The following PDZD2 variants were observed in gnomAD, a reference collection of about 807,000 sequenced individuals.
The protein encoded by PDZD2 is PDZ domain-containing protein 2.
A neutral mutation model predicts 220.7 loss-of-function variants in PDZD2; 90 were observed. The observed-to-expected ratio is 0.41, with a 90% CI of 0.34 to 0.49. The LOEUF is 0.49. Among genes scored for constraint, PDZD2 ranks in the 20% least tolerant of loss-of-function variants. The pLI is 0.28. For synonymous variants in PDZD2, 1,375 were observed against 1,450.5 expected, an observed-to-expected ratio of 0.95 and a Z score of 1.18; for missense variants, 3,174 against 3,608.5, an observed-to-expected ratio of 0.88 and a Z score of 3.08.
intron 2 of PDZD2, among the ~76,000 whole-genome samples, chr5:31,872,470 A>T (rs1459804984): frequency 6.6e-6 from 1 of 152,178 alleles, no homozygotes; most frequent in Non-Finnish European, 1.5e-5. Flanking sequence ...CACACATCCA[A>T]CAAGAGGCCA....
intron 1 of PDZD2, among the ~76,000 whole-genome samples, chr5:31,710,608 A>G (rs1748044849): frequency 6.6e-6 from 1 of 152,082 alleles, no homozygotes; most frequent in African/African-American, 2.4e-5. Context: ...ACCTCAGGTT[A>G]GGAGTTTGAG....
chr5:32,088,546 A>G lies in PDZD2; in HGVS notation c.5098A>G (p.Thr1700Ala), dbSNP rs752926072. Residue 1700 changes from threonine (T) to alanine (A), a missense_variant, in exon 20 of 25, where the codon ACC (threonine) becomes GCC (alanine). Physicochemically the swap from Thr to Ala is moderately conservative, Grantham distance 58. Around this residue, in one of 4 missense-constraint regions of PDZD2, gnomAD observed 1,861 missense variants for 2,001.0 expected, o/e 0.93. Coordinates refer to ENST00000438447, the MANE Select transcript of PDZD2 (RefSeq NM_178140.4). The surrounding 1 kb of genome is among the most constrained non-coding windows in gnomAD (Gnocchi z 4.6). ...PSCAEETTEVTSASSAMENSP... is the reference protein window; with the variant it reads ...PSCAEETTEVASASSAMENSP... ...GTGTGCAGAAGAAACCACAGAAGTC[A>G]CCAGCGCTAGCTCAGCCATGGAAAA... 2 of 1,614,112 alleles carry G rather than the reference A, an allele frequency of 1.2e-6. No individual in the cohort carries two copies. The highest frequency in any genetic ancestry group is 1.7e-6 in the Non-Finnish European group (2 of 1,179,956).
At position 31,864,927 on chromosome 5, in the gene PDZD2, C is replaced by G. The variant is rs573495849; in HGVS notation, c.476+65203C>G. Among the ~76,000 whole-genome samples, 3 of 132,348 alleles carry G rather than the reference C, an allele frequency of 2.3e-5. No individual in the cohort carries two copies. In the South Asian group the frequency reaches 7.6e-4, roughly 33 times the overall value. 86.8% of individuals were successfully genotyped at this position (132,348 alleles called of 152,430 possible). ...GCAGTGGCGTAATCTCGGCTCACTT[C>G]AAGCTCCGCCTCCTGGGTTCATGCT... is the stretch of plus-strand genomic sequence containing the variant. On this transcript the variant is annotated intron_variant, in intron 2 of 24. Transcript: ENST00000438447.
At chr5:31,897,177 T>C (rs1741646449) in intron 2 of PDZD2, among the ~76,000 whole-genome samples, 1 of 152,076 alleles carries the variant, frequency 6.6e-6, no homozygotes, top group Non-Finnish European at 1.5e-5. Context: ...TATTTAAAAA[T>C]ACTTTTTGAA....
At chr5:32,012,072 G>C (rs893978933) in intron 6 of PDZD2, among the ~76,000 whole-genome samples, 2 of 152,166 alleles carry the variant, frequency 1.3e-5, no homozygotes, top group Admixed American at 6.5e-5. Context: ...CACAGCTCCA[G>C]CATTCTGACC....
Position 31,675,925 on chromosome 5 carries a change from C to T in PDZD2, c.-361+36488C>T, listed in dbSNP as rs551473470. Reference sequence around the variant, plus strand: ...CCATGTGGCCCCGGCTAGCCTCAAACTCCTGGGCTCAAGCAATCTGCCCTC... The same window carrying T: ...CCATGTGGCCCCGGCTAGCCTCAAATTCCTGGGCTCAAGCAATCTGCCCTC... On this transcript the variant is annotated intron_variant, in intron 1 of 24. Coordinates refer to ENST00000438447, the MANE Select transcript of PDZD2 (RefSeq NM_178140.4). 3.3e-5 allele frequency among the ~76,000 whole-genome samples: 5 copies of T among 152,290 alleles called. No homozygotes were observed. The East Asian group carries it at 9.7e-4, about 29-fold the overall frequency.
intron 7 of PDZD2, among the ~76,000 whole-genome samples, chr5:32,042,691 G>T (rs1351540305): frequency 6.6e-6 from 1 of 152,234 alleles, no homozygotes; most frequent in African/African-American, 2.4e-5. Flanking sequence ...GGACCGAAAG[G>T]AGTGGTGATG....
At chr5:32,054,605 A>T (rs1738923853) in intron 10 of PDZD2, among the ~76,000 whole-genome samples, 1 of 152,106 alleles carries the variant, frequency 6.6e-6, no homozygotes, top group Non-Finnish European at 1.5e-5. Context: ...GATTACAGGC[A>T]TGAGCCACTG....
chr5:31,688,291 T>C (rs1746956475), intron 1 of PDZD2, among the ~76,000 whole-genome samples: 1 of 152,066 alleles, frequency 6.6e-6, no homozygotes, highest in Non-Finnish European at 1.5e-5. Context: ...GAGTTGCAGA[T>C]AGAAACTGTG....
intron 3 of PDZD2, among the ~76,000 whole-genome samples, chr5:31,989,989 C>T (rs1032540896): frequency 2.0e-5 from 3 of 152,214 alleles, no homozygotes; most frequent in African/African-American, 7.2e-5. Flanking sequence ...CTTCTGTTTT[C>T]TCACCTATAA....
intron 19 of PDZD2, among the ~76,000 whole-genome samples, chr5:32,081,320 C>A (rs1741933171): frequency 6.6e-6 from 1 of 152,182 alleles, no homozygotes; most frequent in Non-Finnish European, 1.5e-5. Context: ...GTGTCCCTTA[C>A]ACCCACTGAG....
intron 1 of PDZD2, among the ~76,000 whole-genome samples, chr5:31,771,233 T>A (rs1314521672): frequency 1.3e-5 from 2 of 152,210 alleles, no homozygotes; most frequent in African/African-American, 4.8e-5. Flanking sequence ...ATTTTAATAT[T>A]CATGTAACTA....
rs556276502 is a variant in PDZD2, at chr5:32,014,706, C to CTTTTTTTTTTTTTTTTT, written c.1407+4236_1407+4252dup. Among the ~76,000 whole-genome samples, 239 of 95,422 alleles carry CTTTTTTTTTTTTTTTTT rather than the reference C, an allele frequency of 2.5e-3. 53 individuals are homozygous for CTTTTTTTTTTTTTTTTT. The highest frequency in any genetic ancestry group is 0.01 in the African/African-American group (231 of 22,898). The allele number at this position is 95,422 out of a possible 152,430, so 62.6% of individuals were successfully genotyped here. A position where few individuals can be genotyped will look rare whatever the true frequency, so the allele number is the denominator to read the frequency against. ...ATTTTCTGCTCTGCAATGACAATTT[C>CTTTTTTTTTTTTTTTTT]TTTTTTTTTTTTTTTTTTTTTTTTT... On this transcript the variant is annotated intron_variant, in intron 6 of 24. Transcript: ENST00000438447.
rs147999865 is a variant in PDZD2 at position 32,053,831 on chromosome 5, C to T, written c.1848C>T (p.Val616=). The change falls in exon 10 of 25, where the codon GTC becomes GTT. Residue 616 remains valine (V), a synonymous_variant. Transcript: ENST00000438447. ...DCIRGQMGIF[V]KTIFPNGSAA... ...TTCGTGGACAGATGGGGATTTTTGT[C>T]AAGACCATCTTCCCAAATGGATCAG... is the stretch of plus-strand genomic sequence containing the variant. 1,043 of 1,613,390 alleles carry T rather than the reference C, an allele frequency of 6.5e-4. 1 individual carries two copies. The highest frequency in any genetic ancestry group is 7.8e-4 in the Non-Finnish European group (923 of 1,179,366).
intron 1 of PDZD2, among the ~76,000 whole-genome samples, chr5:31,777,663 A>G (rs1216040222): frequency 6.6e-6 from 1 of 152,082 alleles, no homozygotes; most frequent in Admixed American, 6.5e-5. Context: ...TGTCTAGCTC[A>G]GGGTTTGTGG....
chr5:32,086,328 G>A (rs569306626), intron 19 of PDZD2, among the ~76,000 whole-genome samples: 23 of 152,330 alleles, frequency 1.5e-4, no homozygotes, highest in African/African-American at 5.5e-4. Context: ...CCACGCAGGA[G>A]TAGGGAACCA....
At chr5:31,910,445 C>G (rs1284618031) in intron 2 of PDZD2, among the ~76,000 whole-genome samples, 3 of 143,824 alleles carry the variant, frequency 2.1e-5, no homozygotes, top group African/African-American at 7.8e-5. Flanking sequence ...CTCACTCTGT[C>G]AACTGGGCTG....
chr5:31,647,202 C>T (rs1580511690), intron 1 of PDZD2, among the ~76,000 whole-genome samples: 2 of 152,190 alleles, frequency 1.3e-5, no homozygotes, highest in South Asian at 4.2e-4. Flanking sequence ...CTTCAGGATC[C>T]AGTACAATGC....
rs193181364 is a variant in PDZD2 at position 31,983,191 on chromosome 5, C to A, written c.513C>A (p.Ile171=). The change falls in exon 3 of 25, where the codon ATC becomes ATA. Residue 171 remains isoleucine (I), a synonymous_variant. Coordinates refer to ENST00000438447, the MANE Select transcript of PDZD2 (RefSeq NM_178140.4). ...AGCAGTGCTGGAATGGCGGCTTTATCTACCTGATCATGCTGCGTCGCTTTA... is the reference window on the plus strand; with the variant it reads ...AGCAGTGCTGGAATGGCGGCTTTATATACCTGATCATGCTGCGTCGCTTTA... The part of the protein sequence containing the change: ...LAEQCWNGGF[I]YLIMLRRFKH... The A allele has an allele frequency of 6.2e-7, 1 of 1,614,150 alleles. No individual in the cohort carries two copies. Among genetic ancestry groups the A allele is most frequent in the South Asian group, 1.1e-5 (1 of 91,076 alleles).
Sources: allele counts gnomAD v4.1 joint callset (sites outside exome capture counted in the v4.1 genomes callset), GRCh38; gene constraint gnomAD v4.1.1; regional missense constraint gnomAD v4.1.1; non-coding constraint Gnocchi (gnomAD v3.1); transcripts MANE v1.5; gene names NCBI Gene and HGNC (gene_info 2026-07-23, HGNC 2026-07-21).